Variants in CLOCK observed in about 807,000 individuals in gnomAD.
CLOCK encodes the protein clock circadian regulator.
In CLOCK, 43 loss-of-function variants were observed where a neutral mutation model predicts 118.4. The ratio of observed to expected loss-of-function variants is 0.36; its 90% CI spans 0.28 to 0.47. CLOCK has a LOEUF of 0.47. Among genes scored for constraint, CLOCK ranks in the 20% least tolerant of loss-of-function variants. The probability of loss-of-function intolerance (pLI) is 1.00; values close to 1 mark genes in which losing one functional copy is unlikely to be tolerated. For missense variants in CLOCK, 846 were observed against 999.9 expected, an observed-to-expected ratio of 0.85 and a Z score of 2.08; for synonymous variants, 326 against 339.2, an observed-to-expected ratio of 0.96 and a Z score of 0.43.
At chr4:55,514,976 T>G (rs1002803078) in intron 1 of CLOCK, among the ~76,000 whole-genome samples, 1 of 152,208 alleles carries the variant, frequency 6.6e-6, no homozygotes, top group African/African-American at 2.4e-5. Flanking sequence ...CCTTAAATGT[T>G]TGGTAGAATT....
intron 8 of CLOCK, among the ~76,000 whole-genome samples, chr4:55,470,160 C>T (rs1267164096): frequency 6.6e-6 from 1 of 152,186 alleles, no homozygotes; most frequent in Non-Finnish European, 1.5e-5. Context: ...TTCACATTCA[C>T]TTATCACTCA....
rs575222599 is a variant in CLOCK, at chr4:55,528,491, G to A, written c.-290+18291C>T. 7.8e-4 allele frequency among the ~76,000 whole-genome samples: 118 copies of A among 152,130 alleles called. 1 individual carries two copies. The Middle Eastern group carries it at 0.01, about 13-fold the overall frequency. On this transcript the variant is annotated intron_variant, in intron 1 of 22. Coordinates refer to ENST00000513440, the MANE Select transcript of CLOCK (RefSeq NM_004898.4). ...ATGGTGATAAACACTCATGTTTGCC[G>A]CCCCTCCATGCAGAAAGTCTGTGCA...
chr4:55,459,685 C>G (rs996974414), intron 9 of CLOCK, among the ~76,000 whole-genome samples: 4 of 151,942 alleles, frequency 2.6e-5, no homozygotes, highest in Non-Finnish European at 5.9e-5. Context: ...TTTTTTGAGA[C>G]AGGGTCTTGA....
At chr4:55,503,978 T>TAAAAAAAAAAAAAAAAAAAAAA (rs60471915) in intron 2 of CLOCK, among the ~76,000 whole-genome samples, 1 of 71,148 alleles carries the variant, frequency 1.4e-5, no homozygotes, top group Non-Finnish European at 2.5e-5. Context: ...CAAAAAGAGG[T>TAAAAAAAAAAAAAAAAAAAAAA]AAAAAAAAAA....
At chr4:55,463,574 G>A in intron 9 of CLOCK, 111 bp downstream of exon 9, 1 of 970,354 alleles carries the variant, frequency 1.0e-6, no homozygotes. Flanking sequence ...ACCTAATAGG[G>A]CATATGGAGT....
intron 18 of CLOCK, among the ~76,000 whole-genome samples, chr4:55,446,954 A>G (rs917638770): frequency 3.3e-5 from 5 of 152,236 alleles, no homozygotes; most frequent in African/African-American, 4.8e-5. Flanking sequence ...CTTTGATTTC[A>G]GAAATTAACA....
At position 55,453,240 on chromosome 4, in the gene CLOCK, T is replaced by C. The variant is rs1012456691; in HGVS notation, c.1131-111A>G. On this transcript the variant is annotated intron_variant, in intron 14 of 22. Coordinates refer to ENST00000513440, the MANE Select transcript of CLOCK (RefSeq NM_004898.4). ...TGTCTCATCTGTTCATCTAGACTAT[T>C]TGCTATGTGCTACACAAACCTAAAA... 3 of 904,106 alleles carry C rather than the reference T, an allele frequency of 3.3e-6. No homozygotes were observed. The Admixed American group carries it at 5.6e-5, about 17-fold the overall frequency. 56.0% of individuals were successfully genotyped at this position (904,106 alleles called of 1,614,324 possible).
In CLOCK at chr4:55,435,356, A is replaced by AG. The variant is rs947204273; in HGVS notation, c.*58dup. The AG allele has an allele frequency of 1.5e-5, 24 of 1,592,594 alleles. No individual in the cohort carries two copies. Among genetic ancestry groups the AG allele is most frequent in the Non-Finnish European group, 1.7e-5 (20 of 1,161,818 alleles). On this transcript the variant is annotated 3_prime_UTR_variant, in exon 23 of 23. Transcript: ENST00000513440. Reference sequence around the variant, plus strand: ...TTCCCTCCTTTCCTCAGGTCATCTGAGTAACTCTTAATGGGCCATCCCCTT... The same window carrying AG: ...TTCCCTCCTTTCCTCAGGTCATCTGAGGTAACTCTTAATGGGCCATCCCCTT...
chr4:55,531,467 G>A (rs539004382), intron 1 of CLOCK, among the ~76,000 whole-genome samples: 8 of 152,102 alleles, frequency 5.3e-5, no homozygotes, highest in African/African-American at 1.7e-4. Context: ...AGCATTTTGG[G>A]AGGCCGAGAA....
At position 55,488,654 on chromosome 4, in the gene CLOCK, G is replaced by A. The variant is rs560921293; in HGVS notation, c.-44+720C>T. Among the ~76,000 whole-genome samples the A allele has an allele frequency of 3.9e-5, 6 of 152,176 alleles. No homozygotes were observed. The East Asian group carries it at 9.7e-4, about 25-fold the overall frequency. Reference sequence around the variant, plus strand: ...CACAGCTGGCTCCTTTTGCCATTCCGATCTCAATTAAAATTCCCCTTTTTC... The same window carrying A: ...CACAGCTGGCTCCTTTTGCCATTCCAATCTCAATTAAAATTCCCCTTTTTC... On this transcript the variant is annotated intron_variant, in intron 3 of 22. Coordinates refer to ENST00000513440, the MANE Select transcript of CLOCK (RefSeq NM_004898.4).
chr4:55,453,568 G>A (rs1189659822), intron 14 of CLOCK, 109 bp downstream of exon 14: 38 of 822,770 alleles, frequency 4.6e-5, no homozygotes, highest in Admixed American at 2.9e-4. Context: ...ATCAGCAATT[G>A]AGAAAAGAGC....
At chr4:55,470,407 T>A (rs1726051499) in intron 8 of CLOCK, among the ~76,000 whole-genome samples, 1 of 152,230 alleles carries the variant, frequency 6.6e-6, no homozygotes, top group African/African-American at 2.4e-5. Context: ...CCATATAGCC[T>A]AAGTGCGTAG....
intron 2 of CLOCK, among the ~76,000 whole-genome samples, chr4:55,493,453 A>C (rs1727855484): frequency 6.6e-6 from 1 of 152,206 alleles, no homozygotes; most frequent in African/African-American, 2.4e-5. Context: ...GGTATAATAC[A>C]AAACCTAAGG....
At position 55,432,946 on chromosome 4, in the gene CLOCK, G is replaced by C. The variant is rs1161290478; in HGVS notation, c.*2469C>G. On this transcript the variant is annotated 3_prime_UTR_variant, in exon 23 of 23. Transcript: ENST00000513440. ...TTACCTGGGGCTTGTCTTATGCTTT[G>C]TTGCTGTCAACCTAAGTAGTACTCA... is the stretch of plus-strand genomic sequence containing the variant. 1 of 152,626 alleles carries C rather than the reference G, an allele frequency of 6.6e-6. No individual in the cohort carries two copies. Among genetic ancestry groups the C allele is most frequent in the Non-Finnish European group, 1.5e-5 (1 of 68,044 alleles). The allele number at this position is 152,626 out of a possible 1,614,324, so 9.5% of individuals were successfully genotyped here.
intron 21 of CLOCK, 105 bp downstream of exon 21, chr4:55,442,327 A>T: frequency 1.1e-6 from 1 of 915,866 alleles, no homozygotes; most frequent in Non-Finnish European, 1.8e-6. Flanking sequence ...TGCAGTGAGC[A>T]TCTCATTAAA....
chr4:55,450,323 T>C, intron 15 of CLOCK, 91 bp from the exon 16 acceptor site: 1 of 1,521,298 alleles, frequency 6.6e-7, no homozygotes, highest in Admixed American at 1.7e-5. Context: ...AAAAAATCAG[T>C]TTTTGTCTAT....
chr4:55,480,902 AG>A (rs1459927901), intron 4 of CLOCK, among the ~76,000 whole-genome samples: 36 of 142,746 alleles, frequency 2.5e-4, no homozygotes, highest in African/African-American at 8.5e-4. Context: ...AAAAAAAAAA[AG>A]AGATGAGTTT....
At chr4:55,447,669 T>A (rs1271362113) in intron 18 of CLOCK, among the ~76,000 whole-genome samples, 1 of 152,174 alleles carries the variant, frequency 6.6e-6, no homozygotes, top group African/African-American at 2.4e-5. Flanking sequence ...TGTTAAGAAA[T>A]GCTTTAGAAT....
chr4:55,510,155 CATTT>C (rs1729047458), intron 1 of CLOCK, 90 bp from the exon 2 acceptor site: 1 of 152,164 alleles, frequency 6.6e-6, no homozygotes. Flanking sequence ...ACGTATAGAA[CATTT>C]ATTGCGAGCC....
Sources: allele counts gnomAD v4.1 joint callset (sites outside exome capture counted in the v4.1 genomes callset), GRCh38; gene constraint gnomAD v4.1.1; transcripts MANE v1.5; gene names NCBI Gene and HGNC (gene_info 2026-07-23, HGNC 2026-07-21).